PAK2: variants seen among roughly 807,000 people sequenced by gnomAD.
PAK2 encodes the protein serine/threonine-protein kinase PAK 2.
In PAK2, 21 loss-of-function variants were observed where a neutral mutation model predicts 65.9. That is an observed-to-expected ratio of 0.32 (90% CI 0.23 to 0.46). The LOEUF (loss-of-function observed/expected upper bound fraction) is 0.46. Ranked by LOEUF, PAK2 falls within the 20% of genes least tolerant of loss-of-function variation. The pLI is 1.00. For synonymous variants in PAK2, 204 were observed against 219.7 expected (o/e 0.93, Z 0.63); for missense variants, 324 against 642.6 (o/e 0.50, Z 5.36).
chr3:196,767,902 A>T (rs1014030441), intron 1 of PAK2, among the ~76,000 whole-genome samples: 2 of 152,100 alleles, frequency 1.3e-5, no homozygotes, highest in Non-Finnish European at 2.9e-5. Context: ...GTGCGGTCTC[A>T]TCATATGGAC....
chr3:196,809,502 C>G (rs1043718182), intron 7 of PAK2, among the ~76,000 whole-genome samples: 4 of 151,038 alleles, frequency 2.6e-5, no homozygotes, highest in Admixed American at 2.6e-4. Flanking sequence ...CGCCACCACA[C>G]CCCGCTAATT....
intron 1 of PAK2, chr3:196,747,176 T>C (rs1713411695): frequency 6.6e-6 from 1 of 151,780 alleles, no homozygotes; most frequent in Non-Finnish European, 1.5e-5. Flanking sequence ...TCCTGCTTTT[T>C]TTTTTTGTTG....
At position 196,831,024 on chromosome 3, in the gene PAK2, C is replaced by G. The variant is rs1434754589; in HGVS notation, c.*2619C>G. ...GCCTCAGCCTCCTGAGTAGCTGAGA[C>G]CACAGGCACCCGCCACCACACCCAG... is the stretch of plus-strand genomic sequence containing the variant. On this transcript the variant is annotated 3_prime_UTR_variant, in exon 15 of 15. Coordinates refer to ENST00000327134, the MANE Select transcript of PAK2 (RefSeq NM_002577.4). The G allele has an allele frequency of 6.6e-6, 1 of 152,062 alleles. No individual in the cohort carries two copies. The highest frequency in any genetic ancestry group is 1.5e-5 in the Non-Finnish European group (1 of 68,056). The allele number at this position is 152,062 out of a possible 1,614,324, so 9.4% of individuals were successfully genotyped here. A position where few individuals can be genotyped will look rare whatever the true frequency, so the allele number is the denominator to read the frequency against.
rs561605471 is a variant in PAK2 at position 196,741,105 on chromosome 3, T to C, written c.-22+948T>C. Among the ~76,000 whole-genome samples the C allele has an allele frequency of 3.3e-5, 5 of 152,328 alleles. No homozygotes were observed. In the East Asian group the frequency reaches 9.6e-4, roughly 29 times the overall value. ...GCGATGTGTCCTTTCTTTGTTTTCT[T>C]TTTTAACCTTTATAAAAAGACAAAA... is the stretch of plus-strand genomic sequence containing the variant. On this transcript the variant is annotated intron_variant, in intron 1 of 14. Transcript: ENST00000327134.
chr3:196,765,930 T>C (rs1033768818), intron 1 of PAK2, among the ~76,000 whole-genome samples: 3 of 151,772 alleles, frequency 2.0e-5, no homozygotes, highest in African/African-American at 7.3e-5. Flanking sequence ...GACGGAGTCT[T>C]GCTCTGTTGC....
At chr3:196,748,314 A>T (rs1452276539) in intron 1 of PAK2, among the ~76,000 whole-genome samples, 1 of 152,196 alleles carries the variant, frequency 6.6e-6, no homozygotes, top group Non-Finnish European at 1.5e-5. Context: ...TGGCACAGTC[A>T]GTGAACCAGC....
chr3:196,771,572 T>C (rs1167209600), intron 1 of PAK2, among the ~76,000 whole-genome samples: 1 of 152,166 alleles, frequency 6.6e-6, no homozygotes, highest in East Asian at 1.9e-4. Context: ...TTTTTCTGTT[T>C]TTTTTGAGAC....
chr3:196,808,729 C>T (rs1715672655), intron 7 of PAK2, among the ~76,000 whole-genome samples: 1 of 151,434 alleles, frequency 6.6e-6, no homozygotes, highest in African/African-American at 2.4e-5. Flanking sequence ...GGTGTCATGG[C>T]AGGTGCCTGT....
rs189689444 is a variant in PAK2 at position 196,826,072 on chromosome 3, G to A, written c.1351-1124G>A. 5.7e-3 allele frequency among the ~76,000 whole-genome samples: 860 copies of A among 151,466 alleles called. 5 individuals are homozygous for A. The highest frequency in any genetic ancestry group is 0.031 in the Middle Eastern group (9 of 292). ...TTGCCATGTTGCCCAGCCTGGTCTC[G>A]AGCTCCTGAGCCCAGGCAATCCACT... On this transcript the variant is annotated intron_variant, in intron 13 of 14. Coordinates refer to ENST00000327134, the MANE Select transcript of PAK2 (RefSeq NM_002577.4).
At chr3:196,822,008 T>G (rs1222304061) in intron 13 of PAK2, among the ~76,000 whole-genome samples, 1 of 152,154 alleles carries the variant, frequency 6.6e-6, no homozygotes, top group Non-Finnish European at 1.5e-5. Context: ...CTGTGCTAAG[T>G]GAAAGAAGCC....
intron 1 of PAK2, 139 bp from the exon 2 acceptor site, chr3:196,782,487 T>G: frequency 1.8e-6 from 1 of 551,836 alleles, no homozygotes; most frequent in South Asian, 2.4e-5. Flanking sequence ...TACACATTGA[T>G]TTTTCCAGAT....
intron 1 of PAK2, among the ~76,000 whole-genome samples, chr3:196,765,842 T>G (rs1313426267): frequency 6.6e-6 from 1 of 152,174 alleles, no homozygotes; most frequent in Non-Finnish European, 1.5e-5. Flanking sequence ...GTTTCTGTGA[T>G]GTATATAACA....
rs532104794 is a variant in PAK2 at position 196,777,263 on chromosome 3, G to C, written c.-21-5363G>C. On this transcript the variant is annotated intron_variant, in intron 1 of 14. Transcript: ENST00000327134. ...CTGTCACCCAGGCTGGAGTGCAGTG[G>C]CATGATCTTGGCTCACTGCAACTTC... is the stretch of plus-strand genomic sequence containing the variant. Among the ~76,000 whole-genome samples the C allele has an allele frequency of 5.9e-5, 9 of 152,220 alleles. No homozygotes were observed. The East Asian group carries it at 1.7e-3, about 29-fold the overall frequency.
Position 196,820,843 on chromosome 3 carries a change from T to A in PAK2, c.1350+276T>A, listed in dbSNP as rs1312970326. Among the ~76,000 whole-genome samples the A allele has an allele frequency of 3.3e-5, 5 of 152,112 alleles. No individual in the cohort carries two copies. The highest frequency in any genetic ancestry group is 6.6e-5 in the Admixed American group (1 of 15,244). ...TCTCTAAAGCTTCTCCTTCTTTTATTTTTTAAGATGTTTTGAGACAGGGTC... is the reference window on the plus strand; with the variant it reads ...TCTCTAAAGCTTCTCCTTCTTTTATATTTTAAGATGTTTTGAGACAGGGTC... On this transcript the variant is annotated intron_variant, in intron 13 of 14. Coordinates refer to ENST00000327134, the MANE Select transcript of PAK2 (RefSeq NM_002577.4). This position sits in a 1 kb window ranked among gnomAD's most constrained non-coding sequence, Gnocchi z 4.6.
intron 1 of PAK2, among the ~76,000 whole-genome samples, chr3:196,749,202 C>T (rs932845981): frequency 3.3e-5 from 5 of 151,942 alleles, no homozygotes; most frequent in African/African-American, 1.2e-4. Flanking sequence ...AATGCTACTA[C>T]GAACATGGGT....
intron 4 of PAK2, among the ~76,000 whole-genome samples, chr3:196,803,841 T>G (rs768527757): frequency 1.3e-5 from 2 of 152,206 alleles, no homozygotes; most frequent in Non-Finnish European, 2.9e-5. Flanking sequence ...CGTTAACCTA[T>G]GAGAGAACCA....
intron 1 of PAK2, among the ~76,000 whole-genome samples, chr3:196,746,311 T>C (rs1329225104): frequency 6.6e-6 from 1 of 152,202 alleles, no homozygotes. Flanking sequence ...TAGGAATGGC[T>C]TCTGAATTTT....
intron 13 of PAK2, among the ~76,000 whole-genome samples, chr3:196,821,805 G>T (rs1282651253): frequency 6.6e-6 from 1 of 152,174 alleles, no homozygotes; most frequent in African/African-American, 2.4e-5. Context: ...AAGTTAATAC[G>T]GAATTACCAG....
chr3:196,748,647 C>T (rs776399813), intron 1 of PAK2, among the ~76,000 whole-genome samples: 6 of 152,178 alleles, frequency 3.9e-5, no homozygotes, highest in Non-Finnish European at 1.5e-5. Context: ...CGTGTCTTTT[C>T]ATGGCTTGAT....
Sources: allele counts gnomAD v4.1 joint callset (sites outside exome capture counted in the v4.1 genomes callset), GRCh38; gene constraint gnomAD v4.1.1; non-coding constraint Gnocchi (gnomAD v3.1); transcripts MANE v1.5; gene names NCBI Gene and HGNC (gene_info 2026-07-23, HGNC 2026-07-21).